GLMN: variants seen among roughly 807,000 people sequenced by gnomAD.
GLMN encodes glomulin.
A neutral mutation model predicts 87.8 loss-of-function variants in GLMN; 75 were observed. The observed-to-expected ratio is 0.85, with a 90% confidence interval of 0.71 to 1.04. The LOEUF is 1.04. Among genes scored for constraint, GLMN ranks in the 50% least tolerant of loss-of-function variants. The pLI, the probability that GLMN is intolerant of heterozygous loss-of-function variation, is 0.00. For missense variants in GLMN, 588 were observed against 658.8 expected, an observed-to-expected ratio of 0.89 and a Z score of 1.18; for synonymous variants, 206 against 221.6, an observed-to-expected ratio of 0.93 and a Z score of 0.63.
the GLMN span, among the ~76,000 whole-genome samples, chr1:92,327,030 G>A: frequency 2.6e-5 from 4 of 152,194 alleles, no homozygotes; most frequent in African/African-American, 4.8e-5. Context: ...GGTCTATCTC[G>A]GAGACTGTTC....
chr1:92,289,171 G>T lies in GLMN; in HGVS notation c.395-20C>A, dbSNP rs1260454111. 2 of 1,382,046 alleles carry T rather than the reference G, an allele frequency of 1.4e-6. No homozygotes were observed. The highest frequency in any genetic ancestry group is 1.7e-5 in the Admixed American group (1 of 59,718). The allele number at this position is 1,382,046 out of a possible 1,614,324, so 85.6% of individuals were successfully genotyped here. A position where few individuals can be genotyped will look rare whatever the true frequency, so the allele number is the denominator to read the frequency against. Reference sequence around the variant, plus strand: ...GAATCACTAAAACAGAGATCAAGTTGTCGCTCATCAAGTATGCTAAACATG... The same window carrying T: ...GAATCACTAAAACAGAGATCAAGTTTTCGCTCATCAAGTATGCTAAACATG... On this transcript the variant is annotated intron_variant, in intron 5 of 18. Transcript: ENST00000370360.
chr1:92,367,408 A>T, the GLMN span, among the ~76,000 whole-genome samples: 5 of 152,200 alleles, frequency 3.3e-5, no homozygotes, highest in Admixed American at 2.6e-4. Flanking sequence ...ATTTGTTTTA[A>T]TTGGTTAAAG....
chr1:92,250,342 T>C (rs1171374573), intron 16 of GLMN, among the ~76,000 whole-genome samples: 1 of 152,172 alleles, frequency 6.6e-6, no homozygotes, highest in African/African-American at 2.4e-5. Context: ...TGGTATACTG[T>C]ATATAACCTG....
the GLMN span, among the ~76,000 whole-genome samples, chr1:92,317,641 G>A: frequency 6.6e-6 from 1 of 152,166 alleles, no homozygotes; most frequent in Non-Finnish European, 1.5e-5. Context: ...GCACAACAGT[G>A]TAAATATACT....
chr1:92,336,239 T>C, the GLMN span: 1 of 708,868 alleles, frequency 1.4e-6, no homozygotes, highest in African/African-American at 1.8e-5. Context: ...CATGACTGCT[T>C]CCATCTAAAT....
the GLMN span, among the ~76,000 whole-genome samples, chr1:92,343,994 C>G: frequency 2.0e-5 from 3 of 152,314 alleles, no homozygotes; most frequent in South Asian, 6.2e-4. Context: ...CCAATCCATT[C>G]TTCGTTCCTC....
Position 92,297,484 on chromosome 1 carries a change from A to G in GLMN, c.85T>C (p.Phe29Leu). 3 of 1,613,170 alleles carry G rather than the reference A, an allele frequency of 1.9e-6. No individual in the cohort carries two copies. The South Asian group carries it at 3.3e-5, about 18-fold the overall frequency. ...QDFKEEDFGL[F>L]QLAGQRCIEE... ...ATGCATCTTTGCCCAGCTAACTGAA[A>G]TAGGCCAAAATCCTCTTCTTTAAAG... Residue 29 changes from phenylalanine (F) to leucine (L), a missense_variant, in exon 3 of 19, where the codon TTT (phenylalanine) becomes CTT (leucine). Coordinates refer to ENST00000370360, the MANE Select transcript of GLMN (RefSeq NM_053274.3).
At chr1:92,297,200 C>T (rs1470449778) in intron 3 of GLMN, among the ~76,000 whole-genome samples, 1 of 150,824 alleles carries the variant, frequency 6.6e-6, no homozygotes, top group African/African-American at 2.4e-5. Context: ...GATCTGCCTG[C>T]CTTGGCCTCC....
chr1:92,299,227 G>C, upstream of GLMN: 2 of 838,864 alleles, frequency 2.4e-6, no homozygotes, highest in South Asian at 5.1e-5. Context: ...GCGCGCGGGC[G>C]CTCCTGAAAG....
intron 7 of GLMN, among the ~76,000 whole-genome samples, chr1:92,280,004 G>C (rs891057665): frequency 5.3e-5 from 8 of 152,262 alleles, no homozygotes; most frequent in Admixed American, 5.2e-4. Context: ...AAGGCCTACT[G>C]CCTCTATAGA....
At chr1:92,350,715 G>A in the GLMN span, among the ~76,000 whole-genome samples, 2 of 152,148 alleles carry the variant, frequency 1.3e-5, no homozygotes, top group Non-Finnish European at 2.9e-5. Flanking sequence ...CGAGGCAGGC[G>A]GATCAGTTGA....
At chr1:92,301,509 G>A, upstream of GLMN, 1 of 1,594,794 alleles carries the variant, frequency 6.3e-7, no homozygotes, top group Non-Finnish European at 8.5e-7. Context: ...TGAGAAAGAA[G>A]ATTGAATTTG....
chr1:92,282,445 T>C (rs1255841207), intron 7 of GLMN, among the ~76,000 whole-genome samples: 7 of 152,160 alleles, frequency 4.6e-5, no homozygotes, highest in Admixed American at 4.6e-4. Context: ...AGACACAATA[T>C]ACCAGAATCT....
At position 92,252,918 on chromosome 1, in the gene GLMN, A is replaced by C. The variant is rs942664884; in HGVS notation, c.1474-4929T>G. Among the ~76,000 whole-genome samples the C allele has an allele frequency of 6.6e-5, 10 of 152,220 alleles. No homozygotes were observed. In the South Asian group the frequency reaches 1.0e-3, roughly 16 times the overall value. ...TACATTTCAAAATTCACTGTAGCAT[A>C]TCTCTCTCACAAAAGGAAGACTAGG... is the stretch of plus-strand genomic sequence containing the variant. On this transcript the variant is annotated intron_variant, in intron 16 of 18. Coordinates refer to ENST00000370360, the MANE Select transcript of GLMN (RefSeq NM_053274.3).
chr1:92,264,786 C>G (rs919080458), intron 13 of GLMN, 148 bp from the exon 14 acceptor site: 1 of 661,020 alleles, frequency 1.5e-6, no homozygotes, highest in East Asian at 2.7e-5. Context: ...GGTCATCAAC[C>G]AATTACAAAG....
intron 7 of GLMN, among the ~76,000 whole-genome samples, chr1:92,280,279 G>A (rs2100983283): frequency 6.6e-6 from 1 of 152,320 alleles, no homozygotes; most frequent in East Asian, 1.9e-4. Context: ...GGATCAGGCA[G>A]CAATATTTGC....
At chr1:92,303,186 C>G (rs551780263), upstream of GLMN, among the ~76,000 whole-genome samples, 46 of 152,174 alleles carry the variant, frequency 3.0e-4, no homozygotes, top group African/African-American at 1.1e-3. Context: ...GTTGATAGAT[C>G]TTTTTCTAAA....
chr1:92,304,539 A>G, the GLMN span, among the ~76,000 whole-genome samples: 675 of 152,348 alleles, frequency 4.4e-3, 2 homozygotes, highest in African/African-American at 0.015. Flanking sequence ...CAAGGTATTA[A>G]AAATTTTTTT....
At chr1:92,279,227 G>T (rs894581972) in intron 7 of GLMN, among the ~76,000 whole-genome samples, 8 of 152,176 alleles carry the variant, frequency 5.3e-5, no homozygotes, top group African/African-American at 1.9e-4. Flanking sequence ...AGGCTGAGGC[G>T]GGTGGATCAC....
Sources: gnomAD v4.1 joint callset for allele counts (sites outside exome capture counted in the v4.1 genomes callset) on GRCh38, gnomAD v4.1.1 for gene constraint, MANE v1.5 for transcripts, NCBI Gene and HGNC (gene_info 2026-07-23, HGNC 2026-07-21) for gene names.